Variants in CSNK2A2 observed in about 807,000 individuals in gnomAD.
CSNK2A2 encodes casein kinase 2 alpha 2.
A neutral mutation model predicts 54.0 loss-of-function variants in CSNK2A2; 8 were observed. That is an observed-to-expected ratio of 0.15 (90% CI 0.09 to 0.27). The LOEUF (loss-of-function observed/expected upper bound fraction) is 0.27, where lower values mean the gene tolerates loss of function less well. CSNK2A2 is among the 10% of genes least tolerant of loss of function. CSNK2A2 has a pLI of 1.00. For synonymous variants in CSNK2A2, 141 were observed against 153.9 expected (o/e 0.92, Z 0.62); for missense variants, 242 against 439.4 (o/e 0.55, Z 4.02).
intron 2 of CSNK2A2, among the ~76,000 whole-genome samples, chr16:58,196,474 T>C (rs1191775302): frequency 6.6e-6 from 1 of 152,080 alleles, no homozygotes; most frequent in Non-Finnish European, 1.5e-5. Flanking sequence ...ATTTTAAAAA[T>C]AGCTGGGCGT....
At chr16:58,184,181 G>T in intron 4 of CSNK2A2, 79 bp downstream of exon 4, 1 of 1,103,278 alleles carries the variant, frequency 9.1e-7, no homozygotes, top group Non-Finnish European at 1.3e-6. Context: ...CTGGCCCCTT[G>T]GGTTCTGGAG....
chr16:58,190,762 G>A (rs75241789), intron 2 of CSNK2A2, among the ~76,000 whole-genome samples: 10,211 of 152,296 alleles, frequency 0.067, 418 homozygotes, highest in South Asian at 0.2. Flanking sequence ...AGGATGTGGA[G>A]AAACAGCCAC....
At chr16:58,181,997 C>A (rs1962054886) in intron 4 of CSNK2A2, among the ~76,000 whole-genome samples, 1 of 152,078 alleles carries the variant, frequency 6.6e-6, no homozygotes, top group Non-Finnish European at 1.5e-5. Flanking sequence ...TGAATTATAA[C>A]CTAGAACTCT....
rs913361961 is a variant in CSNK2A2, at chr16:58,174,323, GT to G, written c.429+127del. 120 of 656,322 alleles carry G rather than the reference GT, an allele frequency of 1.8e-4. 2 individuals are homozygous for G. The South Asian group carries it at 2.1e-3, about 11-fold the overall frequency. The allele number at this position is 656,322 out of a possible 1,614,324, so 40.7% of individuals were successfully genotyped here. ...TTCCTCGATGGAGGCCTCAATATAAGTTTAAAAACTTCACTAAATCCTCTGG... is the reference window on the plus strand; with the variant it reads ...TTCCTCGATGGAGGCCTCAATATAAGTTAAAAACTTCACTAAATCCTCTGG... On this transcript the variant is annotated intron_variant, in intron 5 of 11. Coordinates refer to ENST00000262506, the MANE Select transcript of CSNK2A2 (RefSeq NM_001896.4).
chr16:58,176,146 T>A (rs1468936830), intron 4 of CSNK2A2, among the ~76,000 whole-genome samples: 2 of 152,202 alleles, frequency 1.3e-5, no homozygotes, highest in Admixed American at 1.3e-4. Flanking sequence ...CTAGGCTAAA[T>A]TGAACTTCAA....
At chr16:58,166,816 A>C (rs1341040130) in intron 8 of CSNK2A2, 132 bp from the exon 9 acceptor site, 1 of 647,840 alleles carries the variant, frequency 1.5e-6, no homozygotes, top group Non-Finnish European at 2.7e-6. Flanking sequence ...ACCCAGGTCC[A>C]GGGCAGGCAG....
chr16:58,182,077 A>G lies in CSNK2A2; in HGVS notation c.369+2183T>C, dbSNP rs1451014249. ...CTTCAGATATGCAAGCTTCAAAAAA[A>G]CATTAATTTCCCATAATCCCTTTAA... On this transcript the variant is annotated intron_variant, in intron 4 of 11. Transcript: ENST00000262506. Among the ~76,000 whole-genome samples, 3 of 152,186 alleles carry G rather than the reference A, an allele frequency of 2.0e-5. No homozygotes were observed. The East Asian group carries it at 5.8e-4, about 29-fold the overall frequency.
intron 2 of CSNK2A2, chr16:58,192,615 T>G: frequency 6.6e-6 from 1 of 152,230 alleles, no homozygotes; most frequent in Non-Finnish European, 1.5e-5. Flanking sequence ...AACTAGCAAC[T>G]TACCAAAGTC....
At chr16:58,161,682 A>G (rs1961376985) in intron 11 of CSNK2A2, 1 of 152,146 alleles carries the variant, frequency 6.6e-6, no homozygotes, top group Non-Finnish European at 1.5e-5. Flanking sequence ...GTTTTTGGAG[A>G]CAGGAAAAGA....
In CSNK2A2 at chr16:58,197,998, T is replaced by C. The variant is rs1394499265; in HGVS notation, c.-262A>G. The C allele has an allele frequency of 7.4e-6, 1 of 134,724 alleles. No individual in the cohort carries two copies. Among genetic ancestry groups the C allele is most frequent in the Non-Finnish European group, 1.6e-5 (1 of 62,152 alleles). 8.3% of individuals were successfully genotyped at this position (134,724 alleles called of 1,614,324 possible). A position where few individuals can be genotyped will look rare whatever the true frequency, so the allele number is the denominator to read the frequency against. On this transcript the variant is annotated 5_prime_UTR_variant, in exon 1 of 12. Transcript: ENST00000262506. This position sits in a 1 kb window ranked among gnomAD's most constrained non-coding sequence, Gnocchi z 4.0. ...GGGCGGCGCTCGCGCTCCGCGGCGG[T>C]CTCCGCTCGGCTCGCGGCCCCCAGG...
At chr16:58,158,658 G>C (rs944753045) in intron 11 of CSNK2A2, among the ~76,000 whole-genome samples, 3 of 152,216 alleles carry the variant, frequency 2.0e-5, no homozygotes, top group African/African-American at 7.2e-5. Context: ...CCAGGGTGCT[G>C]ATGGAGAAGC....
At chr16:58,166,495 T>G in intron 9 of CSNK2A2, 89 bp downstream of exon 9, 7 of 828,178 alleles carry the variant, frequency 8.5e-6, no homozygotes, top group Non-Finnish European at 1.4e-5. Context: ...TTTACTATAA[T>G]CAGAATGGGA....
At chr16:58,168,442 T>A (rs1961633445) in intron 6 of CSNK2A2, among the ~76,000 whole-genome samples, 168 bp downstream of exon 6, 1 of 152,214 alleles carries the variant, frequency 6.6e-6, no homozygotes, top group Non-Finnish European at 1.5e-5. Context: ...CCTTGTGTAC[T>A]ACACTATACA....
At chr16:58,163,071 CA>C (rs1382593450) in intron 11 of CSNK2A2, 3 of 151,470 alleles carry the variant, frequency 2.0e-5, no homozygotes, top group South Asian at 4.2e-4. Context: ...TATTTTTTTC[CA>C]TAAGTCTTTC....
chr16:58,188,109 C>A (rs1279725149), intron 2 of CSNK2A2, among the ~76,000 whole-genome samples: 1 of 152,094 alleles, frequency 6.6e-6, no homozygotes, highest in Non-Finnish European at 1.5e-5. Context: ...TTTTGTTGGT[C>A]ACTAAGATAC....
intron 2 of CSNK2A2, among the ~76,000 whole-genome samples, chr16:58,191,084 T>G (rs1597125224): frequency 1.3e-5 from 2 of 152,184 alleles, no homozygotes; most frequent in Non-Finnish European, 1.5e-5. Flanking sequence ...GTGATAAACT[T>G]GGAGGACATT....
chr16:58,164,630 T>C (rs1192120800), intron 10 of CSNK2A2, among the ~76,000 whole-genome samples: 1 of 152,206 alleles, frequency 6.6e-6, no homozygotes, highest in Non-Finnish European at 1.5e-5. Flanking sequence ...TAATGACATG[T>C]CATAAACATC....
At chr16:58,187,033 T>A (rs937582110) in intron 2 of CSNK2A2, among the ~76,000 whole-genome samples, 177 bp from the exon 3 acceptor site, 1 of 152,056 alleles carries the variant, frequency 6.6e-6, no homozygotes, top group Admixed American at 6.6e-5. Flanking sequence ...TAAGAACCTT[T>A]AACATTAAGT....
chr16:58,164,699 C>G (rs546670278), intron 10 of CSNK2A2, among the ~76,000 whole-genome samples: 15 of 152,130 alleles, frequency 9.9e-5, no homozygotes, highest in African/African-American at 3.4e-4. Flanking sequence ...GACACTGGGG[C>G]GGGGACATCT....
Sources: allele counts gnomAD v4.1 joint callset (sites outside exome capture counted in the v4.1 genomes callset), GRCh38; gene constraint gnomAD v4.1.1; non-coding constraint Gnocchi (gnomAD v3.1); transcripts MANE v1.5; gene names NCBI Gene and HGNC (gene_info 2026-07-23, HGNC 2026-07-21).